Variants in ROBO1 observed in about 807,000 individuals in gnomAD.
The protein encoded by ROBO1 is roundabout homolog 1.
A neutral mutation model predicts 195.9 loss-of-function variants in ROBO1; 149 were observed. That is an observed-to-expected ratio of 0.76 (90% CI 0.67 to 0.87). The LOEUF is 0.87. Ranked by LOEUF, ROBO1 falls within the 40% of genes least tolerant of loss-of-function variation. The pLI, the probability that ROBO1 is intolerant of heterozygous loss-of-function variation, is 0.00. For missense variants in ROBO1, 1,933 were observed against 2,068.3 expected (o/e 0.93, Z 1.27); for synonymous variants, 816 against 733.2 (o/e 1.11, Z -1.82).
intron 2 of ROBO1, among the ~76,000 whole-genome samples, chr3:79,403,167 T>A (rs542169844): frequency 6.6e-6 from 1 of 152,094 alleles, no homozygotes; most frequent in East Asian, 1.9e-4. Context: ...AAAAATGCTG[T>A]AACAAGGCTC....
intron 2 of ROBO1, among the ~76,000 whole-genome samples, chr3:79,411,723 T>C (rs972965335): frequency 1.3e-5 from 2 of 152,184 alleles, no homozygotes; most frequent in African/African-American, 4.8e-5. Context: ...TAGAACAATA[T>C]TGCAGATGTG....
chr3:78,982,297 T>C (rs2107994656), intron 3 of ROBO1, among the ~76,000 whole-genome samples: 1 of 152,320 alleles, frequency 6.6e-6, no homozygotes, highest in South Asian at 2.1e-4. Context: ...GTAATCACTC[T>C]CCTATGATTT....
chr3:79,521,336 A>G lies in ROBO1; in HGVS notation c.88+68488T>C, dbSNP rs545755385. On this transcript the variant is annotated intron_variant, in intron 2 of 30. Transcript: ENST00000464233. ...CCAATTTTCTTAGGGGTTCCTGTTTAGGAAACACAGGGATTAATTTCCTTG... is the reference window on the plus strand; with the variant it reads ...CCAATTTTCTTAGGGGTTCCTGTTTGGGAAACACAGGGATTAATTTCCTTG... Among the ~76,000 whole-genome samples, 14 of 152,330 alleles carry G rather than the reference A, an allele frequency of 9.2e-5. 1 individual carries two copies. In the East Asian group the frequency reaches 2.7e-3, roughly 29 times the overall value.
At chr3:79,416,015 C>A (rs1000633172) in intron 2 of ROBO1, among the ~76,000 whole-genome samples, 2 of 152,026 alleles carry the variant, frequency 1.3e-5, no homozygotes, top group African/African-American at 2.4e-5. Context: ...ATGTCACTAT[C>A]ACTTCAGATT....
intron 8 of ROBO1, among the ~76,000 whole-genome samples, chr3:78,712,378 A>T (rs916606692): frequency 6.6e-6 from 1 of 152,168 alleles, no homozygotes; most frequent in Non-Finnish European, 1.5e-5. Flanking sequence ...AATGGCTTCA[A>T]TTCTGATTAG....
At chr3:79,555,293 G>T (rs9883211) in intron 2 of ROBO1, among the ~76,000 whole-genome samples, 1 of 151,894 alleles carries the variant, frequency 6.6e-6, no homozygotes, top group African/African-American at 2.4e-5. Context: ...TGCTAAGGTT[G>T]GCCATGTTCT....
At chr3:79,204,350 T>C (rs1370384035) in intron 2 of ROBO1, among the ~76,000 whole-genome samples, 5 of 152,102 alleles carry the variant, frequency 3.3e-5, no homozygotes, top group Non-Finnish European at 5.9e-5. Context: ...AGTATGCCCA[T>C]GTATAACCAT....
At chr3:79,176,333 G>C (rs937087878) in intron 2 of ROBO1, among the ~76,000 whole-genome samples, 1 of 151,990 alleles carries the variant, frequency 6.6e-6, no homozygotes, top group Non-Finnish European at 1.5e-5. Flanking sequence ...ATTTTGTTCA[G>C]CTTTCTAAAT....
At chr3:78,914,706 A>T (rs1286437682) in intron 4 of ROBO1, among the ~76,000 whole-genome samples, 1 of 147,418 alleles carries the variant, frequency 6.8e-6, no homozygotes, top group African/African-American at 2.4e-5. Flanking sequence ...ATTTATAGGT[A>T]TATATTTTAT....
intron 15 of ROBO1, 98 bp downstream of exon 15, chr3:78,661,895 T>C: frequency 7.5e-7 from 1 of 1,334,810 alleles, no homozygotes; most frequent in Non-Finnish European, 1.0e-6. Context: ...AAGTTATCAT[T>C]AATGTACAAG....
chr3:79,412,421 T>C (rs2037807133), intron 2 of ROBO1, among the ~76,000 whole-genome samples: 1 of 152,176 alleles, frequency 6.6e-6, no homozygotes, highest in Admixed American at 6.6e-5. Flanking sequence ...TTTTCCCATC[T>C]ATCCATTCTG....
chr3:79,158,592 CT>C (rs1465330737), intron 2 of ROBO1, among the ~76,000 whole-genome samples: 2 of 151,568 alleles, frequency 1.3e-5, no homozygotes, highest in Non-Finnish European at 2.9e-5. Context: ...TTTTTGTCCA[CT>C]TGAAATGTAT....
chr3:79,473,358 G>A (rs1938384294), intron 2 of ROBO1, among the ~76,000 whole-genome samples: 1 of 152,124 alleles, frequency 6.6e-6, no homozygotes, highest in African/African-American at 2.4e-5. Context: ...GTCTCTCAGA[G>A]ACTCCGGAGG....
intron 3 of ROBO1, among the ~76,000 whole-genome samples, chr3:79,086,267 GTTC>G (rs1444412146): frequency 6.6e-6 from 1 of 151,630 alleles, no homozygotes; most frequent in Non-Finnish European, 1.5e-5. Context: ...CCATACCACA[GTTC>G]TGCAAGATAA....
chr3:79,183,295 A>G (rs1356026721), intron 2 of ROBO1, among the ~76,000 whole-genome samples: 1 of 152,216 alleles, frequency 6.6e-6, no homozygotes, highest in Non-Finnish European at 1.5e-5. Context: ...ACTTAGGTCC[A>G]GTTCTCTCTT....
intron 1 of ROBO1, among the ~76,000 whole-genome samples, chr3:79,689,582 G>T (rs1947239934): frequency 6.6e-6 from 1 of 151,930 alleles, no homozygotes. Context: ...AACAGATCAG[G>T]AAGAGAGCCA....
At chr3:79,334,317 T>TAC (rs1559825604) in intron 2 of ROBO1, among the ~76,000 whole-genome samples, 3 of 144,018 alleles carry the variant, frequency 2.1e-5, no homozygotes, top group Non-Finnish European at 4.5e-5. Context: ...AAAAAATATA[T>TAC]ATATATATAT....
intron 28 of ROBO1, among the ~76,000 whole-genome samples, chr3:78,610,751 T>G (rs1025428798): frequency 6.6e-6 from 1 of 152,148 alleles, no homozygotes; most frequent in Non-Finnish European, 1.5e-5. Context: ...TGATGATAAT[T>G]TAAAGAATTC....
chr3:78,978,254 G>C (rs111597551), intron 3 of ROBO1, among the ~76,000 whole-genome samples: 5 of 151,882 alleles, frequency 3.3e-5, no homozygotes, highest in Non-Finnish European at 7.4e-5. Flanking sequence ...CCAAGGTAGT[G>C]GGGGGATGGA....
Sources: gnomAD v4.1 joint callset for allele counts (sites outside exome capture counted in the v4.1 genomes callset) on GRCh38, gnomAD v4.1.1 for gene constraint, MANE v1.5 for transcripts, NCBI Gene and HGNC (gene_info 2026-07-23, HGNC 2026-07-21) for gene names.